The following CMSS1 variants were observed in gnomAD, a reference collection of about 807,000 sequenced individuals.
The protein encoded by CMSS1 is protein CMSS1.
Under a neutral mutation model 43.5 loss-of-function variants are expected in CMSS1, and 33 were observed. The observed-to-expected ratio is 0.76, with a 90% confidence interval of 0.57 to 1.01. The LOEUF (loss-of-function observed/expected upper bound fraction) is 1.01, where lower values mean the gene tolerates loss of function less well. Ranked by LOEUF, CMSS1 falls within the 50% of genes least tolerant of loss-of-function variation. The probability of loss-of-function intolerance (pLI) is 0.00; values close to 1 mark genes in which losing one functional copy is unlikely to be tolerated. For synonymous variants in CMSS1, 115 were observed against 117.2 expected (o/e 0.98, Z 0.12); for missense variants, 313 against 326.4 (o/e 0.96, Z 0.32).
chr3:99,884,338 A>G (rs1403622572), intron 1 of CMSS1, among the ~76,000 whole-genome samples: 1 of 152,220 alleles, frequency 6.6e-6, no homozygotes, highest in Non-Finnish European at 1.5e-5. Flanking sequence ...CATGGAAAAG[A>G]TCACTTAAAA....
intron 1 of CMSS1, among the ~76,000 whole-genome samples, chr3:99,914,541 G>A (rs1223341226): frequency 2.0e-5 from 3 of 152,094 alleles, no homozygotes; most frequent in Non-Finnish European, 2.9e-5. Context: ...ATCATATCAT[G>A]TTTAAATTGA....
intron 1 of CMSS1, among the ~76,000 whole-genome samples, chr3:99,893,258 C>G (rs1176177958): frequency 6.6e-6 from 1 of 151,520 alleles, no homozygotes; most frequent in Non-Finnish European, 1.5e-5. Flanking sequence ...CTCCGCCTCC[C>G]GGGTTCACGC....
At chr3:100,016,784 T>C (rs934185322) in intron 1 of CMSS1, among the ~76,000 whole-genome samples, 1 of 152,246 alleles carries the variant, frequency 6.6e-6, no homozygotes, top group Non-Finnish European at 1.5e-5. Flanking sequence ...TATAAACTTA[T>C]AAAGCAGACA....
chr3:100,165,491 A>G (rs111503072), intron 4 of CMSS1, among the ~76,000 whole-genome samples: 10 of 152,154 alleles, frequency 6.6e-5, no homozygotes, highest in African/African-American at 9.7e-5. Context: ...ATTAAAATGT[A>G]TCTAAAATGG....
chr3:100,132,889 T>G (rs35375550), intron 1 of CMSS1, among the ~76,000 whole-genome samples: 1 of 146,718 alleles, frequency 6.8e-6, no homozygotes, highest in African/African-American at 2.5e-5. Flanking sequence ...ATTAGTAAAA[T>G]GCTATATTAT....
At chr3:100,064,782 G>C (rs2065634577) in intron 1 of CMSS1, among the ~76,000 whole-genome samples, 1 of 151,664 alleles carries the variant, frequency 6.6e-6, no homozygotes, top group Admixed American at 6.6e-5. Context: ...TACTACATGA[G>C]AGTCAATTTG....
chr3:100,065,057 G>A (rs2065640871), intron 1 of CMSS1, among the ~76,000 whole-genome samples: 2 of 152,184 alleles, frequency 1.3e-5, no homozygotes, highest in South Asian at 4.1e-4. Flanking sequence ...TTTAGGGTCA[G>A]TCTCATAAGA....
At chr3:99,969,609 A>G (rs924737922) in intron 1 of CMSS1, among the ~76,000 whole-genome samples, 1 of 152,186 alleles carries the variant, frequency 6.6e-6, no homozygotes, top group Non-Finnish European at 1.5e-5. Context: ...TCAAGGAACT[A>G]TGGTTTTCCA....
intron 1 of CMSS1, among the ~76,000 whole-genome samples, chr3:100,095,274 C>A (rs1452253364): frequency 6.6e-6 from 1 of 152,010 alleles, no homozygotes; most frequent in African/African-American, 2.4e-5. Flanking sequence ...AAAAATCTTG[C>A]GGAGATTTTA....
At chr3:100,015,928 G>A (rs1710325777) in intron 1 of CMSS1, among the ~76,000 whole-genome samples, 1 of 152,128 alleles carries the variant, frequency 6.6e-6, no homozygotes, top group African/African-American at 2.4e-5. Flanking sequence ...TTAAAAACCT[G>A]ATCCATGCTA....
intron 1 of CMSS1, among the ~76,000 whole-genome samples, chr3:99,948,918 C>T (rs1708096380): frequency 6.6e-6 from 1 of 152,172 alleles, no homozygotes; most frequent in African/African-American, 2.4e-5. Flanking sequence ...AAACTGCACA[C>T]TGTAACCAGC....
At position 100,162,298 on chromosome 3, in the gene CMSS1, C is replaced by G. The variant is rs779225524; in HGVS notation, c.226-5C>G. On this transcript the variant is annotated splice_region_variant and splice_polypyrimidine_tract_variant and intron_variant, in intron 3 of 9. Transcript: ENST00000421999. ...GTCCCATTTTTCTTCTTTCTCATAT[C>G]TTAGAAGAAAATTACTGATGTTCTT... 2 of 1,606,478 alleles carry G rather than the reference C, an allele frequency of 1.2e-6. No homozygotes were observed. The highest frequency in any genetic ancestry group is 1.3e-5 in the African/African-American group (1 of 74,356).
At chr3:99,966,205 T>C (rs1213038298) in intron 1 of CMSS1, among the ~76,000 whole-genome samples, 1 of 152,134 alleles carries the variant, frequency 6.6e-6, no homozygotes, top group Non-Finnish European at 1.5e-5. Flanking sequence ...TGGGAGGAGT[T>C]TGGGAAGGAA....
intron 1 of CMSS1, among the ~76,000 whole-genome samples, chr3:99,829,416 C>G (rs192981880): frequency 6.6e-6 from 1 of 152,294 alleles, no homozygotes; most frequent in East Asian, 1.9e-4. Context: ...TGCCAGGGGA[C>G]TGTGTCTACC....
Position 99,826,211 on chromosome 3 carries a change from G to T in CMSS1, c.64+8168G>T, listed in dbSNP as rs1020460963. Among the ~76,000 whole-genome samples, 16 of 152,202 alleles carry T rather than the reference G, an allele frequency of 1.1e-4. 1 individual carries two copies. The highest frequency in any genetic ancestry group is 3.1e-4 in the African/African-American group (13 of 41,536). On this transcript the variant is annotated intron_variant, in intron 1 of 9. Transcript: ENST00000421999. ...TTCCCCATTTTTATCAGCTTTCATA[G>T]AATTCTTAATTGATTTTTAAATGGC...
At chr3:99,984,566 A>G (rs1709274718) in intron 1 of CMSS1, among the ~76,000 whole-genome samples, 1 of 152,322 alleles carries the variant, frequency 6.6e-6, no homozygotes, top group African/African-American at 2.4e-5. Context: ...GCACACTGCC[A>G]AGAGGTATCT....
chr3:99,865,164 C>T (rs141150522), intron 1 of CMSS1, among the ~76,000 whole-genome samples: 7 of 152,162 alleles, frequency 4.6e-5, no homozygotes, highest in African/African-American at 7.2e-5. Flanking sequence ...TGCCATGTAC[C>T]GTGTTAGTCC....
At chr3:99,943,555 T>C (rs772036132) in intron 1 of CMSS1, among the ~76,000 whole-genome samples, 28 of 152,018 alleles carry the variant, frequency 1.8e-4, no homozygotes, top group Non-Finnish European at 4.1e-4. Context: ...ATTACAAAAA[T>C]TAGCCGGGCG....
chr3:99,956,262 C>T (rs1348189530), intron 1 of CMSS1, among the ~76,000 whole-genome samples: 2 of 152,158 alleles, frequency 1.3e-5, no homozygotes, highest in Non-Finnish European at 2.9e-5. Context: ...CTTCCTCTGC[C>T]CCCAACACCT....
Sources: gnomAD v4.1 joint callset for allele counts (sites outside exome capture counted in the v4.1 genomes callset) on GRCh38, gnomAD v4.1.1 for gene constraint, MANE v1.5 for transcripts, NCBI Gene and HGNC (gene_info 2026-07-23, HGNC 2026-07-21) for gene names.